The following CD163L1 variants were observed in gnomAD, a reference collection of about 807,000 sequenced individuals.
CD163L1 encodes the protein CD163 molecule like 1, also known as scavenger receptor cysteine-rich type 1 protein M160.
In CD163L1, 124 loss-of-function variants were observed where a neutral mutation model predicts 165.4. The observed-to-expected ratio is 0.75, with a 90% confidence interval of 0.65 to 0.87. The LOEUF is 0.87. Ranked by LOEUF, CD163L1 falls within the 40% of genes least tolerant of loss-of-function variation. CD163L1 has a pLI of 0.00. For synonymous variants in CD163L1, 585 were observed against 662.2 expected, an observed-to-expected ratio of 0.88 and a Z score of 1.79; for missense variants, 1,525 against 1,799.9, an observed-to-expected ratio of 0.85 and a Z score of 2.76.
At chr12:7,362,641 A>G (rs1338212523) in intron 18 of CD163L1, among the ~76,000 whole-genome samples, 1 of 145,478 alleles carries the variant, frequency 6.9e-6, no homozygotes, top group Non-Finnish European at 1.5e-5. Flanking sequence ...AATATATATA[A>G]TATAAAATTA....
downstream of CD163L1, among the ~76,000 whole-genome samples, chr12:7,345,664 A>G (rs1435355815): frequency 2.0e-5 from 3 of 152,150 alleles, no homozygotes; most frequent in African/African-American, 7.2e-5. Flanking sequence ...ACTCCACAGC[A>G]CCAATTTTCT....
intron 4 of CD163L1, among the ~76,000 whole-genome samples, chr12:7,427,093 C>G (rs775520560): frequency 6.6e-6 from 1 of 151,934 alleles, no homozygotes; most frequent in Non-Finnish European, 1.5e-5. Flanking sequence ...AATAGTAATA[C>G]GTAATAGTAG....
At chr12:7,428,780 T>C (rs768259261) in intron 4 of CD163L1, among the ~76,000 whole-genome samples, 1 of 152,220 alleles carries the variant, frequency 6.6e-6, no homozygotes, top group South Asian at 2.1e-4. Context: ...ACATTTGTGG[T>C]TACTTAAACA....
chr12:7,362,670 T>C (rs1946929155), intron 18 of CD163L1, among the ~76,000 whole-genome samples: 1 of 146,216 alleles, frequency 6.8e-6, no homozygotes, highest in African/African-American at 2.5e-5. Context: ...TAATATAATA[T>C]ATGATTTATA....
At chr12:7,349,419 T>C (rs1461914853) in intron 4 of CD163L1, among the ~76,000 whole-genome samples, 1 of 152,188 alleles carries the variant, frequency 6.6e-6, no homozygotes, top group Non-Finnish European at 1.5e-5. Flanking sequence ...ACTTAATGCA[T>C]AGTAGTTAGT....
the CD163L1 span, chr12:7,320,880 A>T: frequency 7.9e-7 from 1 of 1,273,640 alleles, no homozygotes; most frequent in Non-Finnish European, 1.1e-6. Context: ...CTTTTTCAGC[A>T]TAGGATAGCT....
At chr12:7,352,169 G>A (rs1946710394), downstream of CD163L1, among the ~76,000 whole-genome samples, 2 of 152,054 alleles carry the variant, frequency 1.3e-5, no homozygotes, top group Admixed American at 1.3e-4. Flanking sequence ...GACAAATCCT[G>A]TCTCCCTAAA....
At chr12:7,359,514 C>A (rs1946849643) in intron 18 of CD163L1, among the ~76,000 whole-genome samples, 1 of 151,958 alleles carries the variant, frequency 6.6e-6, no homozygotes, top group South Asian at 2.1e-4. Context: ...GGGAAAGTAT[C>A]CTTCAAAAGT....
intron 4 of CD163L1, among the ~76,000 whole-genome samples, chr12:7,422,532 A>G (rs1210251749): frequency 6.6e-6 from 1 of 151,996 alleles, no homozygotes; most frequent in Non-Finnish European, 1.5e-5. Context: ...CAAGGAAGCT[A>G]AGAACCTTGA....
In CD163L1 at chr12:7,399,143, TCTTC is replaced by T. The variant is rs148486475; in HGVS notation, c.1409-563_1409-560del. On this transcript the variant is annotated intron_variant, in intron 6 of 19. Transcript: ENST00000313599. ...ATTTGAGAATTTTATTTCCTTCCTT[TCTTC>T]CTTCCTTCCTTCTTTCCTTCCTTCC... Among the ~76,000 whole-genome samples, 1,476 of 151,940 alleles carry T rather than the reference TCTTC, an allele frequency of 9.7e-3. 28 individuals carry two copies. The highest frequency in any genetic ancestry group is 0.033 in the African/African-American group (1,367 of 41,468).
At chr12:7,390,389 T>C (rs1947627772) in intron 8 of CD163L1, among the ~76,000 whole-genome samples, 1 of 152,076 alleles carries the variant, frequency 6.6e-6, no homozygotes, top group South Asian at 2.1e-4. Flanking sequence ...GAGAAATATT[T>C]GAGGAGAAGG....
chr12:7,345,196 C>T (rs1259222436), downstream of CD163L1, among the ~76,000 whole-genome samples: 1 of 150,626 alleles, frequency 6.6e-6, no homozygotes, highest in Non-Finnish European at 1.5e-5. Context: ...TTATGCTTTG[C>T]TTCTCTTTTA....
chr12:7,396,005 C>A, intron 8 of CD163L1, 90 bp downstream of exon 8: 1 of 1,005,614 alleles, frequency 9.9e-7, no homozygotes, highest in South Asian at 1.8e-5. Context: ...AATGAGCACT[C>A]GGTCATAAAT....
At chr12:7,331,866 A>C in the CD163L1 span, among the ~76,000 whole-genome samples, 1 of 152,238 alleles carries the variant, frequency 6.6e-6, no homozygotes, top group Non-Finnish European at 1.5e-5. Context: ...AAATCTAAAA[A>C]TCAGAGCGCC....
At chr12:7,421,043 A>ATATACG (rs1948348957) in intron 4 of CD163L1, among the ~76,000 whole-genome samples, 3 of 105,318 alleles carry the variant, frequency 2.8e-5, no homozygotes, top group African/African-American at 1.6e-4. Flanking sequence ...ATACGTGTAT[A>ATATACG]TATATGTATA....
rs771083888 is a variant in CD163L1, at chr12:7,432,759, T to C, written c.446-23A>G. 108 of 1,548,254 alleles carry C rather than the reference T, an allele frequency of 7.0e-5. No individual in the cohort carries two copies. In the East Asian group the frequency reaches 1.9e-3, roughly 28 times the overall value. On this transcript the variant is annotated intron_variant, in intron 3 of 19. Transcript: ENST00000313599. This position sits in a 1 kb window ranked among gnomAD's most constrained non-coding sequence, Gnocchi z 4.2. The stretch of plus-strand genomic sequence containing the variant: ...CACCTACGAGAAAGACAAGCAGACA[T>C]ATGAAAAACTGATTCAACTTTGAGC...
At chr12:7,382,792 C>T (rs369171999) in intron 8 of CD163L1, among the ~76,000 whole-genome samples, 1 of 152,194 alleles carries the variant, frequency 6.6e-6, no homozygotes, top group Non-Finnish European at 1.5e-5. Flanking sequence ...CTGTCCTGGG[C>T]CCCAGTAAGC....
At chr12:7,427,262 A>G (rs1639568559) in intron 4 of CD163L1, among the ~76,000 whole-genome samples, 1 of 152,166 alleles carries the variant, frequency 6.6e-6, no homozygotes, top group Admixed American at 6.6e-5. Flanking sequence ...TTTAAAGGGC[A>G]TCAAATATAT....
the CD163L1 span, among the ~76,000 whole-genome samples, chr12:7,336,747 G>T: frequency 1.1e-4 from 16 of 152,022 alleles, no homozygotes; most frequent in Middle Eastern, 3.4e-3. Flanking sequence ...CGTGAAAATG[G>T]CCATACCTTG....
Sources: gnomAD v4.1 joint callset for allele counts (sites outside exome capture counted in the v4.1 genomes callset) on GRCh38, gnomAD v4.1.1 for gene constraint, Gnocchi (gnomAD v3.1) non-coding constraint, MANE v1.5 for transcripts, NCBI Gene and HGNC (gene_info 2026-07-23, HGNC 2026-07-21) for gene names.